The following FNDC3B variants were observed in gnomAD, a reference collection of about 807,000 sequenced individuals.
FNDC3B encodes fibronectin type III domain containing 3B, also known as fibronectin type III domain-containing protein 3B.
FNDC3B carries 12 observed loss-of-function variants against 151.5 expected under a neutral mutation model. The observed-to-expected ratio is 0.08, with a 90% CI of 0.05 to 0.13. The LOEUF is 0.13. FNDC3B is among the 10% of genes least tolerant of loss of function. The probability of loss-of-function intolerance (pLI) is 1.00; values close to 1 mark genes in which losing one functional copy is unlikely to be tolerated. For missense variants in FNDC3B, 1,214 were observed against 1,505.3 expected, an observed-to-expected ratio of 0.81 and a Z score of 3.20; for synonymous variants, 528 against 549.0, an observed-to-expected ratio of 0.96 and a Z score of 0.54.
intron 6 of FNDC3B, among the ~76,000 whole-genome samples, chr3:172,268,706 CATT>C (rs1729041008): frequency 6.6e-6 from 1 of 152,220 alleles, no homozygotes; most frequent in Non-Finnish European, 1.5e-5. Flanking sequence ...GGGGAGATCA[CATT>C]ATGTTACCTC....
intron 3 of FNDC3B, among the ~76,000 whole-genome samples, chr3:172,156,694 GT>G (rs66890930): frequency 0.68 from 96,811 of 141,874 alleles, 33,232 homozygotes; most frequent in Non-Finnish European, 0.75. Context: ...GAGTTTTGAA[GT>G]TTTTTTTTTT....
At chr3:172,230,863 G>T (rs1726853010) in intron 4 of FNDC3B, among the ~76,000 whole-genome samples, 1 of 152,216 alleles carries the variant, frequency 6.6e-6, no homozygotes, top group Non-Finnish European at 1.5e-5. Flanking sequence ...ATGTGTTAAT[G>T]TAAAATAGTA....
chr3:172,357,143 TGTG>T (rs1734134756), intron 22 of FNDC3B, among the ~76,000 whole-genome samples: 2 of 152,208 alleles, frequency 1.3e-5, no homozygotes, highest in African/African-American at 4.8e-5. Context: ...TTATAAAGAA[TGTG>T]GTTCTTTGAT....
chr3:172,389,344 A>G (rs1221143292), intron 25 of FNDC3B, among the ~76,000 whole-genome samples: 1 of 152,204 alleles, frequency 6.6e-6, no homozygotes, highest in Non-Finnish European at 1.5e-5. Flanking sequence ...TCACTGAGAT[A>G]TGACTGGCCT....
At chr3:172,319,400 T>C (rs570285577) in intron 11 of FNDC3B, among the ~76,000 whole-genome samples, 3 of 152,080 alleles carry the variant, frequency 2.0e-5, no homozygotes, top group Non-Finnish European at 2.9e-5. Context: ...GAGAAATACA[T>C]AGGAAAATTT....
At chr3:172,282,334 C>T (rs554122298) in intron 6 of FNDC3B, among the ~76,000 whole-genome samples, 3 of 134,266 alleles carry the variant, frequency 2.2e-5, no homozygotes, top group Admixed American at 2.2e-4. Flanking sequence ...TCTCTTTTTT[C>T]CCATATTTAC....
chr3:172,242,052 A>G (rs531783768), intron 4 of FNDC3B, among the ~76,000 whole-genome samples: 5 of 152,366 alleles, frequency 3.3e-5, no homozygotes, highest in African/African-American at 1.2e-4. Flanking sequence ...ATACAAATCC[A>G]AAATCCAGTG....
intron 3 of FNDC3B, among the ~76,000 whole-genome samples, chr3:172,156,475 C>T (rs1464036937): frequency 6.6e-6 from 1 of 152,234 alleles, no homozygotes; most frequent in Non-Finnish European, 1.5e-5. Flanking sequence ...TGAAGGCTGG[C>T]AGCCGCTTTC....
intron 7 of FNDC3B, among the ~76,000 whole-genome samples, chr3:172,289,421 G>GTAATA (rs3054954): frequency 0.56 from 84,161 of 151,414 alleles, 26,176 homozygotes; most frequent in African/African-American, 0.86. Flanking sequence ...GCCATATAAG[G>GTAATA]TATTCATAGG....
intron 3 of FNDC3B, among the ~76,000 whole-genome samples, chr3:172,176,037 A>G (rs1344147158): frequency 2.0e-5 from 3 of 152,258 alleles, no homozygotes; most frequent in African/African-American, 7.2e-5. Flanking sequence ...CTTGGCTAAA[A>G]TATTGGTTAG....
chr3:172,126,991 G>C (rs748175140), intron 2 of FNDC3B: 1 of 456,664 alleles, frequency 2.2e-6, no homozygotes, highest in South Asian at 1.5e-5. Flanking sequence ...ACTGGAATGT[G>C]AATGCATTGG....
In FNDC3B at chr3:172,163,884, C is replaced by T. The variant is rs530075403; in HGVS notation, c.187+30338C>T. 3.9e-5 allele frequency among the ~76,000 whole-genome samples: 6 copies of T among 152,280 alleles called. No homozygotes were observed. In the South Asian group the frequency reaches 1.2e-3, roughly 32 times the overall value. On this transcript the variant is annotated intron_variant, in intron 3 of 25. Coordinates refer to ENST00000415807, the MANE Select transcript of FNDC3B (RefSeq NM_022763.4). ...TTTAAAAATGTTGTAATCTTTTCTC[C>T]CACAGCATTACCAGCCTTTGGTACA...
chr3:172,373,244 C>T (rs1734969658), intron 23 of FNDC3B, among the ~76,000 whole-genome samples: 1 of 152,190 alleles, frequency 6.6e-6, no homozygotes, highest in Admixed American at 6.5e-5. Flanking sequence ...TTTCTTCCTA[C>T]TCCAGGGATC....
chr3:172,330,391 A>C (rs977869640), intron 12 of FNDC3B, 150 bp from the exon 13 acceptor site: 1 of 574,154 alleles, frequency 1.7e-6, no homozygotes, highest in African/African-American at 1.9e-5. Context: ...AGGTGGTTAT[A>C]GGGAATATCA....
intron 1 of FNDC3B, among the ~76,000 whole-genome samples, chr3:172,063,742 G>A (rs982561853): frequency 5.3e-5 from 8 of 152,150 alleles, no homozygotes; most frequent in Non-Finnish European, 1.0e-4. Context: ...ATCAGAGTAG[G>A]ACCATCTCTA....
At position 172,397,729 on chromosome 3, in the gene FNDC3B, T is replaced by G. The variant is rs1736364750; in HGVS notation, c.*254T>G. 1.2e-5 allele frequency: 3 copies of G among 259,382 alleles called. No homozygotes were observed. The highest frequency in any genetic ancestry group is 2.1e-5 in the Non-Finnish European group (3 of 139,574). 16.1% of individuals were successfully genotyped at this position (259,382 alleles called of 1,614,324 possible). A position where few individuals can be genotyped will look rare whatever the true frequency, so the allele number is the denominator to read the frequency against. On this transcript the variant is annotated 3_prime_UTR_variant, in exon 26 of 26. Transcript: ENST00000415807. ...TATACCAGATACCAAAAGCTAGCTT[T>G]CTTATGTTTTCCTTTAAATTTTCAG...
At chr3:172,209,133 G>T (rs968930512) in intron 3 of FNDC3B, among the ~76,000 whole-genome samples, 3 of 151,640 alleles carry the variant, frequency 2.0e-5, no homozygotes, top group Non-Finnish European at 4.4e-5. Context: ...GGGGGTGGGG[G>T]TGGGGGTCGT....
intron 1 of FNDC3B, among the ~76,000 whole-genome samples, chr3:172,078,639 G>A (rs1049583777): frequency 5.9e-5 from 9 of 152,162 alleles, no homozygotes; most frequent in Non-Finnish European, 1.0e-4. Flanking sequence ...TAGGCTGATC[G>A]GGGGTAGATA....
intron 13 of FNDC3B, among the ~76,000 whole-genome samples, chr3:172,332,694 G>GC (rs1732740482): frequency 6.6e-6 from 1 of 152,128 alleles, no homozygotes; most frequent in African/African-American, 2.4e-5. Context: ...TTCTCCCATG[G>GC]CCAGAAGAGG....
Sources: allele counts gnomAD v4.1 joint callset (sites outside exome capture counted in the v4.1 genomes callset), GRCh38; gene constraint gnomAD v4.1.1; transcripts MANE v1.5; gene names NCBI Gene and HGNC (gene_info 2026-07-23, HGNC 2026-07-21).